NRXN1: variants seen among roughly 807,000 people sequenced by gnomAD.
NRXN1 encodes neurexin-1.
NRXN1 carries 39 observed loss-of-function variants against 150.9 expected under a neutral mutation model. The ratio of observed to expected loss-of-function variants is 0.26; its 90% confidence interval spans 0.20 to 0.34. NRXN1 has a LOEUF of 0.34. Among genes scored for constraint, NRXN1 ranks in the 10% least tolerant of loss-of-function variants. NRXN1 has a pLI of 1.00. For missense variants in NRXN1, 1,815 were observed against 1,949.9 expected, an observed-to-expected ratio of 0.93 and a Z score of 1.30; for synonymous variants, 924 against 757.0, an observed-to-expected ratio of 1.22 and a Z score of -3.62.
At chr2:49,985,893 C>T (rs11896677) in intron 21 of NRXN1, among the ~76,000 whole-genome samples, 70,976 of 152,056 alleles carry the variant, frequency 0.47, 17,213 homozygotes, top group Middle Eastern at 0.61. Flanking sequence ...ATTTCACATT[C>T]GATGGGGCCA....
intron 5 of NRXN1, among the ~76,000 whole-genome samples, chr2:50,830,000 A>G (rs12614223): frequency 0.044 from 1,043 of 23,810 alleles, 30 homozygotes; most frequent in Non-Finnish European, 0.091. Context: ...TGCCTGCTGG[A>G]AAAAAAAAAA....
intron 18 of NRXN1, among the ~76,000 whole-genome samples, chr2:50,211,009 G>T (rs1445628056): frequency 6.6e-6 from 1 of 151,572 alleles, no homozygotes. Flanking sequence ...TATAAGTTAA[G>T]TTCTATTAAA....
At chr2:50,726,437 T>C (rs753058724) in intron 5 of NRXN1, among the ~76,000 whole-genome samples, 16 of 152,134 alleles carry the variant, frequency 1.1e-4, no homozygotes, top group Non-Finnish European at 2.2e-4. Flanking sequence ...TATCATAAGG[T>C]TTTTGTGAAG....
chr2:50,727,186 A>C (rs776666919), intron 5 of NRXN1, among the ~76,000 whole-genome samples: 3 of 152,192 alleles, frequency 2.0e-5, no homozygotes, highest in African/African-American at 4.8e-5. Context: ...ATACTTAAAG[A>C]GATATAATTC....
intron 2 of NRXN1, among the ~76,000 whole-genome samples, chr2:50,977,955 T>C (rs1696123743): frequency 6.6e-6 from 1 of 151,664 alleles, no homozygotes; most frequent in Admixed American, 6.6e-5. Context: ...AGGAAAGCTA[T>C]ACACCTTTTC....
intron 5 of NRXN1, among the ~76,000 whole-genome samples, chr2:50,849,040 T>C (rs1225435793): frequency 1.3e-5 from 2 of 152,218 alleles, no homozygotes; most frequent in Non-Finnish European, 2.9e-5. Context: ...CTGTCTTTTT[T>C]TGTGGTTACA....
At chr2:50,372,684 A>G (rs1196241665) in intron 17 of NRXN1, among the ~76,000 whole-genome samples, 1 of 152,146 alleles carries the variant, frequency 6.6e-6, no homozygotes, top group African/African-American at 2.4e-5. Flanking sequence ...AAGTTCCAAA[A>G]AACCTTTTAT....
chr2:50,899,331 G>T (rs1335337780), intron 5 of NRXN1, among the ~76,000 whole-genome samples: 3 of 152,264 alleles, frequency 2.0e-5, no homozygotes, highest in Non-Finnish European at 4.4e-5. Context: ...GTTGCAGAAG[G>T]CTTGGAACAT....
At chr2:49,959,421 C>T (rs146041994) in intron 21 of NRXN1, among the ~76,000 whole-genome samples, 1 of 152,298 alleles carries the variant, frequency 6.6e-6, no homozygotes, top group Non-Finnish European at 1.5e-5. Context: ...ACCTGGTGTA[C>T]CCTGAAGAGA....
intron 17 of NRXN1, among the ~76,000 whole-genome samples, chr2:50,281,248 C>T (rs2071414145): frequency 6.6e-6 from 1 of 151,726 alleles, no homozygotes; most frequent in African/African-American, 2.4e-5. Context: ...ACCCGGGAGG[C>T]GGAGCTTGCA....
At chr2:51,002,590 C>G (rs1416756235) in intron 2 of NRXN1, among the ~76,000 whole-genome samples, 1 of 151,808 alleles carries the variant, frequency 6.6e-6, no homozygotes, top group East Asian at 1.9e-4. Flanking sequence ...CTCTATGTAC[C>G]TAGGAAGGAA....
At chr2:50,898,931 G>C (rs184630272) in intron 5 of NRXN1, among the ~76,000 whole-genome samples, 2 of 151,032 alleles carry the variant, frequency 1.3e-5, no homozygotes, top group Non-Finnish European at 3.0e-5. Context: ...GCAAATTCAG[G>C]ATTCTTGCCG....
intron 12 of NRXN1, among the ~76,000 whole-genome samples, chr2:50,518,475 G>C (rs1224104436): frequency 1.3e-5 from 2 of 151,554 alleles, no homozygotes. Flanking sequence ...TAAAGAAAAG[G>C]GTTATACTGA....
chr2:50,447,737 TTATATATATATATATATATA>T (rs70948710), intron 17 of NRXN1, among the ~76,000 whole-genome samples: 21 of 37,932 alleles, frequency 5.5e-4, no homozygotes, highest in Admixed American at 1.4e-3. Context: ...CAGGGGAACG[TTATATATATATATATATATA>T]TATATATATA....
chr2:50,625,708 T>G (rs1302464718), intron 5 of NRXN1, among the ~76,000 whole-genome samples: 2 of 152,102 alleles, frequency 1.3e-5, no homozygotes, highest in East Asian at 1.9e-4. Context: ...GGTTGGCCAC[T>G]AGCTGTCACT....
intron 2 of NRXN1, among the ~76,000 whole-genome samples, chr2:50,992,536 T>C (rs1698696364): frequency 1.3e-5 from 2 of 152,110 alleles, no homozygotes; most frequent in South Asian, 2.1e-4. Context: ...CAGTTCTTTG[T>C]AGACAGAACA....
At chr2:50,445,389 C>T (rs1220453291) in intron 17 of NRXN1, among the ~76,000 whole-genome samples, 2 of 152,164 alleles carry the variant, frequency 1.3e-5, no homozygotes, top group Non-Finnish European at 2.9e-5. Flanking sequence ...CTTTTATCCA[C>T]ATAACTCTTG....
chr2:50,796,435 G>A (rs1370269612), intron 5 of NRXN1, among the ~76,000 whole-genome samples: 1 of 152,106 alleles, frequency 6.6e-6, no homozygotes, highest in Non-Finnish European at 1.5e-5. Context: ...GGTATGGAAT[G>A]AATGAACCCG....
At chr2:49,955,671 A>G (rs62132441) in intron 21 of NRXN1, among the ~76,000 whole-genome samples, 21,182 of 151,908 alleles carry the variant, frequency 0.14, 1,876 homozygotes, top group Admixed American at 0.23. Context: ...ACTCTCTTGC[A>G]ATAGTCTATT....
Sources: allele counts gnomAD v4.1 joint callset (sites outside exome capture counted in the v4.1 genomes callset), GRCh38; gene constraint gnomAD v4.1.1; transcripts MANE v1.5; gene names NCBI Gene and HGNC (gene_info 2026-07-23, HGNC 2026-07-21).